Variants in TTK observed in about 807,000 individuals in gnomAD.
TTK encodes the protein dual specificity protein kinase TTK.
A neutral mutation model predicts 117.3 loss-of-function variants in TTK; 59 were observed. That is an observed-to-expected ratio of 0.50 (90% confidence interval 0.41 to 0.62). TTK has a LOEUF of 0.62. TTK is among the 20% of genes least tolerant of loss of function. The pLI, the probability that TTK is intolerant of heterozygous loss-of-function variation, is 0.00. For missense variants in TTK, 921 were observed against 989.4 expected (o/e 0.93, Z 0.93); for synonymous variants, 302 against 325.0 (o/e 0.93, Z 0.76).
intron 10 of TTK, among the ~76,000 whole-genome samples, chr6:80,015,523 A>C (rs1188010049): frequency 6.6e-6 from 1 of 152,154 alleles, no homozygotes; most frequent in Non-Finnish European, 1.5e-5. Context: ...GACTTTGCTG[A>C]AAGTCCAATA....
intron 13 of TTK, among the ~76,000 whole-genome samples, chr6:80,030,301 A>AT (rs1767722816): frequency 6.6e-6 from 1 of 152,174 alleles, no homozygotes; most frequent in Non-Finnish European, 1.5e-5. Context: ...ACACAGAGAG[A>AT]TCCTCCAATA....
At chr6:80,017,963 T>A (rs954633184) in intron 10 of TTK, among the ~76,000 whole-genome samples, 2 of 152,190 alleles carry the variant, frequency 1.3e-5, no homozygotes, top group Non-Finnish European at 1.5e-5. Context: ...TGATAGTGAA[T>A]GGTATCTTTT....
intron 10 of TTK, among the ~76,000 whole-genome samples, chr6:80,021,621 A>G (rs2127675185): frequency 1.3e-5 from 2 of 152,270 alleles, no homozygotes; most frequent in East Asian, 3.9e-4. Context: ...AAAAAGGAAA[A>G]GGTGTGGAAG....
chr6:80,035,087 G>A lies in TTK; in HGVS notation c.1717G>A (p.Ala573Thr), dbSNP rs1269120787. 2.5e-6 allele frequency: 4 copies of A among 1,601,340 alleles called. No individual in the cohort carries two copies. In the African/African-American group the frequency reaches 5.4e-5, roughly 22 times the overall value. ...QTLDSYRNEIAYLNKLQQHSD... is the reference protein window; with the variant it reads ...QTLDSYRNEITYLNKLQQHSD... ...TCTTGATAGTTACCGGAACGAAATA[G>A]CTTATTTGAATAAACTACAACAACA... The change falls in exon 15 of 22, where the codon GCT (alanine) becomes ACT (threonine). Residue 573 changes from alanine (A) to threonine (T), a missense_variant. Physicochemically the swap from Ala to Thr is moderately conservative, Grantham distance 58. Coordinates refer to ENST00000369798, the MANE Select transcript of TTK (RefSeq NM_003318.5).
intron 4 of TTK, among the ~76,000 whole-genome samples, chr6:80,008,856 G>T (rs1392105810): frequency 1.3e-5 from 2 of 151,062 alleles, no homozygotes; most frequent in African/African-American, 4.9e-5. Flanking sequence ...CTTTTCTTAT[G>T]CTATGGTTTC....
At chr6:80,023,394 C>A (rs893149156) in intron 11 of TTK, among the ~76,000 whole-genome samples, 2 of 152,140 alleles carry the variant, frequency 1.3e-5, no homozygotes, top group African/African-American at 4.8e-5. Flanking sequence ...GAGATCGAGA[C>A]CATCTTGGCT....
At chr6:80,037,916 G>C (rs764752440) in intron 17 of TTK, 51 bp from the exon 18 acceptor site, 1 of 1,126,464 alleles carries the variant, frequency 8.9e-7, no homozygotes, top group Non-Finnish European at 1.2e-6. Flanking sequence ...AAAATCTAAA[G>C]CAGAATTAAA....
chr6:80,038,909 A>G lies in TTK; in HGVS notation c.2131-787A>G, dbSNP rs147550995. On this transcript the variant is annotated intron_variant, in intron 18 of 21. Transcript: ENST00000369798. ...TACAACTTGAGTACTTGTGATAACC[A>G]GAAACTTTTCTCTATGATTAACCAT... 2.5e-3 allele frequency among the ~76,000 whole-genome samples: 384 copies of G among 152,228 alleles called. 2 individuals carry two copies. Among genetic ancestry groups the G allele is most frequent in the African/African-American group, 8.7e-3 (362 of 41,588 alleles).
chr6:80,035,254 G>C lies in TTK; in HGVS notation c.1773-12G>C. The C allele has an allele frequency of 6.3e-7, 1 of 1,575,650 alleles. No homozygotes were observed. The highest frequency in any genetic ancestry group is 2.3e-5 in the East Asian group (1 of 44,078). ...ATTTATTGTTTTGTTGCTTTTATTT[G>C]TTTAATTGCAGTGAAATCACGGACC... is the stretch of plus-strand genomic sequence containing the variant. On this transcript the variant is annotated splice_polypyrimidine_tract_variant and intron_variant, in intron 15 of 21. Transcript: ENST00000369798.
chr6:80,005,983 G>A lies in TTK; in HGVS notation c.139+1G>A. The A allele has an allele frequency of 6.2e-7, 1 of 1,601,014 alleles. No homozygotes were observed. Among genetic ancestry groups the A allele is most frequent in the Non-Finnish European group, 8.5e-7 (1 of 1,177,082 alleles). ...AATAAAATTTCTGCTGATACTACAG[G>A]TGAGTTTTTCTTTTCTTTTAAGTTA... On this transcript the variant is annotated splice_donor_variant, in intron 2 of 21. Transcript: ENST00000369798. LOFTEE classifies it high-confidence loss of function.
At chr6:80,022,509 T>C (rs1240248062) in intron 11 of TTK, 37 bp downstream of exon 11, 2 of 1,598,174 alleles carry the variant, frequency 1.3e-6, no homozygotes, top group African/African-American at 2.7e-5. Context: ...TGCTTTTTTG[T>C]TCATAATGCA....
intron 14 of TTK, among the ~76,000 whole-genome samples, chr6:80,031,907 T>C (rs1365520373): frequency 6.6e-6 from 1 of 152,228 alleles, no homozygotes; most frequent in Non-Finnish European, 1.5e-5. Flanking sequence ...ATTGCTAATA[T>C]GTTTAGAATC....
rs1440083356 is a variant in TTK at position 80,007,953 on chromosome 6, T to G, written c.284T>G (p.Ile95Ser). 1.2e-6 allele frequency: 2 copies of G among 1,613,658 alleles called. No individual in the cohort carries two copies. The highest frequency in any genetic ancestry group is 1.7e-6 in the Non-Finnish European group (2 of 1,179,678). Residue 95 changes from isoleucine to serine, a missense_variant, in exon 3 of 22, where the codon ATT (isoleucine) becomes AGT (serine). Physicochemically the swap from Ile to Ser is moderately radical, Grantham distance 142. Transcript: ENST00000369798. ...NKLIGRYSQA[I>S]EALPPDKYGQ... The stretch of plus-strand genomic sequence containing the variant: ...TTGATTGGTCGTTACAGTCAAGCAA[T>G]TGAAGCGCTTCCCCCAGATAAATAT...
chr6:80,026,638 T>G, intron 12 of TTK, 124 bp downstream of exon 12: 5 of 1,377,804 alleles, frequency 3.6e-6, no homozygotes, highest in Non-Finnish European at 4.9e-6. Context: ...CATCTTCATA[T>G]TATTTTTTCA....
intron 10 of TTK, among the ~76,000 whole-genome samples, chr6:80,015,702 G>A (rs1042887000): frequency 6.6e-5 from 10 of 152,142 alleles, no homozygotes; most frequent in Non-Finnish European, 1.5e-4. Context: ...TATCAAATAT[G>A]CTTGTTAATA....
chr6:80,024,578 T>C (rs1767555552), intron 11 of TTK, among the ~76,000 whole-genome samples: 1 of 152,122 alleles, frequency 6.6e-6, no homozygotes, highest in Non-Finnish European at 1.5e-5. Flanking sequence ...AGTAGATTAG[T>C]GGTTGCCAGG....
At chr6:80,019,807 TG>T (rs1377269419) in intron 10 of TTK, among the ~76,000 whole-genome samples, 3 of 152,214 alleles carry the variant, frequency 2.0e-5, no homozygotes, top group African/African-American at 7.2e-5. Flanking sequence ...ATAACCTTGA[TG>T]TCAAACCCTG....
chr6:80,011,776 T>C lies in TTK; in HGVS notation c.776T>C (p.Leu259Ser). Residue 259 changes from leucine to serine, a missense_variant, in exon 7 of 22, where the codon TTG (leucine) becomes TCG (serine). Physicochemically the swap from Leu to Ser is moderately radical, Grantham distance 145. Transcript: ENST00000369798. ...GCAGAAATAGGTTACCGGAATTCAT[T>C]GAGACAAACTAACAAAACTAAACAG... ...QDAEIGYRNSLRQTNKTKQSC... is the reference protein window; with the variant it reads ...QDAEIGYRNSSRQTNKTKQSC... 1 of 1,612,828 alleles carries C rather than the reference T, an allele frequency of 6.2e-7. No homozygotes were observed. The highest frequency in any genetic ancestry group is 2.2e-5 in the East Asian group (1 of 44,780).
intron 10 of TTK, among the ~76,000 whole-genome samples, chr6:80,020,396 A>C (rs1767426896): frequency 6.6e-6 from 1 of 152,220 alleles, no homozygotes. Flanking sequence ...TGTATAAGAA[A>C]AATAAAAAAA....
Sources: gnomAD v4.1 joint callset for allele counts (sites outside exome capture counted in the v4.1 genomes callset) on GRCh38, gnomAD v4.1.1 for gene constraint, MANE v1.5 for transcripts, NCBI Gene and HGNC (gene_info 2026-07-23, HGNC 2026-07-21) for gene names.